The following WDPCP variants were observed in gnomAD, a reference collection of about 807,000 sequenced individuals.
WDPCP encodes WD repeat containing planar cell polarity effector, also known as WD repeat-containing and planar cell polarity effector protein fritz homolog.
WDPCP carries 71 observed loss-of-function variants against 93.1 expected under a neutral mutation model. The observed-to-expected ratio is 0.76, with a 90% CI of 0.63 to 0.93. WDPCP has a LOEUF of 0.93. Ranked by LOEUF, WDPCP falls within the 40% of genes least tolerant of loss-of-function variation. The pLI is 0.00. For missense variants in WDPCP, 844 were observed against 887.4 expected, an observed-to-expected ratio of 0.95 and a Z score of 0.62; for synonymous variants, 315 against 315.0, an observed-to-expected ratio of 1.00 and a Z score of 0.00.
chr2:63,838,699 G>C, the WDPCP span, among the ~76,000 whole-genome samples: 2 of 152,152 alleles, frequency 1.3e-5, no homozygotes, highest in Non-Finnish European at 2.9e-5. Flanking sequence ...ATGAAAAAAA[G>C]GATTAAAGAT....
intron 12 of WDPCP, chr2:63,369,130 G>A (rs1299412914): frequency 4.6e-6 from 1 of 218,836 alleles, no homozygotes; most frequent in African/African-American, 2.2e-5. Context: ...TGTTGGTAAA[G>A]GCTGTCCTCA....
chr2:63,490,594 A>G (rs1275411701), intron 2 of WDPCP, among the ~76,000 whole-genome samples: 1 of 152,206 alleles, frequency 6.6e-6, no homozygotes, highest in African/African-American at 2.4e-5. Flanking sequence ...GAATGTCCCA[A>G]TAGAGAGAAT....
chr2:63,550,708 T>C (rs1383116270), intron 1 of WDPCP, among the ~76,000 whole-genome samples: 2 of 151,530 alleles, frequency 1.3e-5, no homozygotes, highest in Admixed American at 6.6e-5. Context: ...CATATACATA[T>C]ATGTGTGTAT....
intron 14 of WDPCP, among the ~76,000 whole-genome samples, chr2:63,222,162 T>A (rs73934636): frequency 6.6e-6 from 1 of 152,206 alleles, no homozygotes; most frequent in East Asian, 1.9e-4. Flanking sequence ...TCTATATATA[T>A]GTTTACTCCT....
At chr2:63,321,386 C>CTGTGTGTGTGTG (rs59970085) in intron 12 of WDPCP, among the ~76,000 whole-genome samples, 3 of 148,634 alleles carry the variant, frequency 2.0e-5, no homozygotes, top group African/African-American at 7.4e-5. Flanking sequence ...TATATACACT[C>CTGTGTGTGTGTG]TGTGTGTGTG....
intron 12 of WDPCP, among the ~76,000 whole-genome samples, chr2:63,313,890 T>G (rs780789755): frequency 2.1e-3 from 16 of 7,494 alleles, no homozygotes; most frequent in East Asian, 0.077. Flanking sequence ...ATATATATTT[T>G]TTTTTTTTTG....
intron 1 of WDPCP, among the ~76,000 whole-genome samples, chr2:63,559,042 T>G (rs555144629): frequency 5.3e-5 from 8 of 152,150 alleles, no homozygotes; most frequent in African/African-American, 1.9e-4. Context: ...AATAAAATAC[T>G]GGCAAACCGA....
chr2:63,771,052 TAA>T (rs534572555), intron 2 of WDPCP, among the ~76,000 whole-genome samples: 215 of 151,792 alleles, frequency 1.4e-3, no homozygotes, highest in African/African-American at 4.7e-3. Context: ...TTTTAACCTG[TAA>T]CATAAATATT....
intron 12 of WDPCP, among the ~76,000 whole-genome samples, chr2:63,318,142 C>G (rs1686803424): frequency 6.6e-6 from 1 of 152,102 alleles, no homozygotes; most frequent in South Asian, 2.1e-4. Flanking sequence ...GTAAGACACT[C>G]AGCCAACAAG....
At chr2:63,221,386 A>C (rs1215003925) in intron 14 of WDPCP, among the ~76,000 whole-genome samples, 1 of 152,214 alleles carries the variant, frequency 6.6e-6, no homozygotes, top group Non-Finnish European at 1.5e-5. Flanking sequence ...TAATAGTGGT[A>C]GAAAACTTTG....
chr2:63,139,576 T>A (rs1670907796), intron 17 of WDPCP, among the ~76,000 whole-genome samples: 1 of 152,224 alleles, frequency 6.6e-6, no homozygotes, highest in Admixed American at 6.5e-5. Flanking sequence ...TCATTAGTGA[T>A]GTTGAGCATT....
chr2:63,546,090 G>C (rs1705132319), intron 1 of WDPCP, among the ~76,000 whole-genome samples: 1 of 152,086 alleles, frequency 6.6e-6, no homozygotes, highest in African/African-American at 2.4e-5. Context: ...AAATATTGTG[G>C]GATACTATAT....
At chr2:63,366,475 C>T (rs1690913181) in intron 12 of WDPCP, among the ~76,000 whole-genome samples, 1 of 152,094 alleles carries the variant, frequency 6.6e-6, no homozygotes. Context: ...ATTTGTGTAT[C>T]TCTACAACAC....
intron 9 of WDPCP, among the ~76,000 whole-genome samples, chr2:63,430,704 A>G (rs1180313682): frequency 6.6e-6 from 1 of 151,962 alleles, no homozygotes; most frequent in African/African-American, 2.4e-5. Flanking sequence ...CAACATGTTG[A>G]AACCCTGTCT....
chr2:63,791,394 C>A (rs1052063314), intron 2 of WDPCP, among the ~76,000 whole-genome samples: 1 of 152,132 alleles, frequency 6.6e-6, no homozygotes, highest in Admixed American at 6.6e-5. Context: ...AGACTTATAC[C>A]AAGACCTAGT....
intron 1 of WDPCP, among the ~76,000 whole-genome samples, chr2:63,554,040 A>C (rs72806023): frequency 0.011 from 1,658 of 152,324 alleles, 17 homozygotes; most frequent in Middle Eastern, 0.037. Flanking sequence ...CATTTAAACC[A>C]GAGACCAAAT....
chr2:63,379,290 C>T (rs749857878), intron 11 of WDPCP, among the ~76,000 whole-genome samples: 71 of 152,070 alleles, frequency 4.7e-4, no homozygotes, highest in Non-Finnish European at 9.0e-4. Flanking sequence ...CACAGTAAGA[C>T]TTCTCTGATT....
chr2:63,213,319 T>C (rs1214971213), intron 14 of WDPCP, among the ~76,000 whole-genome samples: 1 of 152,144 alleles, frequency 6.6e-6, no homozygotes, highest in Non-Finnish European at 1.5e-5. Context: ...ATTAAGAAAC[T>C]CACTCAAAAC....
At chr2:63,237,951 C>T (rs1225903646) in intron 14 of WDPCP, among the ~76,000 whole-genome samples, 1 of 151,438 alleles carries the variant, frequency 6.6e-6, no homozygotes, top group East Asian at 1.9e-4. Context: ...TGTAACAAAC[C>T]TGTACATGCA....
Sources: allele counts gnomAD v4.1 joint callset (sites outside exome capture counted in the v4.1 genomes callset), GRCh38; gene constraint gnomAD v4.1.1; transcripts MANE v1.5; gene names NCBI Gene and HGNC (gene_info 2026-07-23, HGNC 2026-07-21).